The following ANKRD11 variants were observed in gnomAD, a reference collection of about 807,000 sequenced individuals.
ANKRD11 encodes the protein ankyrin repeat domain-containing protein 11.
In ANKRD11, 17 loss-of-function variants were observed where a neutral mutation model predicts 195.7. The observed-to-expected ratio is 0.09, with a 90% CI of 0.06 to 0.13. ANKRD11 has a LOEUF of 0.13. Among genes scored for constraint, ANKRD11 ranks in the 10% least tolerant of loss-of-function variants. ANKRD11 has a pLI of 1.00. For missense variants in ANKRD11, 3,735 were observed against 3,566.1 expected, an observed-to-expected ratio of 1.05 and a Z score of -1.21; for synonymous variants, 1,953 against 1,528.1, an observed-to-expected ratio of 1.28 and a Z score of -6.49.
intron 1 of ANKRD11, among the ~76,000 whole-genome samples, chr16:89,432,967 TCTCTC>T (rs2043053532): frequency 3.4e-5 from 5 of 148,520 alleles, no homozygotes; most frequent in African/African-American, 1.3e-4. Flanking sequence ...TCTCTCTCTC[TCTCTC>T]TCTCTCTCTC....
At chr16:89,423,810 G>C (rs1461804015) in intron 1 of ANKRD11, among the ~76,000 whole-genome samples, 1 of 152,196 alleles carries the variant, frequency 6.6e-6, no homozygotes, top group Non-Finnish European at 1.5e-5. Context: ...ATGGCAGCCA[G>C]CCTGCGGATG....
intron 2 of ANKRD11, among the ~76,000 whole-genome samples, chr16:89,356,572 C>T (rs2152045279): frequency 6.6e-6 from 1 of 150,606 alleles, no homozygotes; most frequent in Middle Eastern, 3.4e-3. Flanking sequence ...GAGATCGAGA[C>T]CATCCTGGCT....
Position 89,286,157 on chromosome 16 carries a change from C to T in ANKRD11, c.774G>A (p.Gly258=). The stretch of plus-strand genomic sequence containing the variant: ...CTTTCCTGTTGCTCTGCTGCGGGTT[C>T]CCTCCGTACCGCAGCAGCAGCTTCA... The part of the protein sequence containing the change: ...KVVKLLLRYG[G]NPQQSNRKGE... The change falls in exon 8 of 13, where the codon GGG becomes GGA. Residue 258 remains glycine (G), a synonymous_variant. Transcript: ENST00000301030. 1 of 1,614,012 alleles carries T rather than the reference C, an allele frequency of 6.2e-7. No individual in the cohort carries two copies. Among genetic ancestry groups the T allele is most frequent in the South Asian group, 1.1e-5 (1 of 91,088 alleles).
intron 2 of ANKRD11, among the ~76,000 whole-genome samples, chr16:89,374,757 TC>T (rs2152089344): frequency 6.6e-6 from 1 of 152,242 alleles, no homozygotes; most frequent in Non-Finnish European, 1.5e-5. Context: ...GCTGAAGAAC[TC>T]CATGATGAAC....
intron 2 of ANKRD11, among the ~76,000 whole-genome samples, chr16:89,343,981 G>A (rs1376644276): frequency 6.6e-6 from 1 of 152,188 alleles, no homozygotes; most frequent in Non-Finnish European, 1.5e-5. Context: ...CTGACCGACT[G>A]AACCCAGGGG....
chr16:89,328,525 T>C (rs935208727), intron 2 of ANKRD11, among the ~76,000 whole-genome samples: 6 of 152,156 alleles, frequency 3.9e-5, no homozygotes, highest in Non-Finnish European at 8.8e-5. Context: ...TGGCTATGGA[T>C]ACACCCAAGC....
chr16:89,438,323 CA>C (rs1005739020), intron 1 of ANKRD11, among the ~76,000 whole-genome samples: 6 of 109,898 alleles, frequency 5.5e-5, no homozygotes, highest in African/African-American at 2.1e-4. Context: ...GGATAGGGAA[CA>C]TTTTTTTTTT....
intron 7 of ANKRD11, 122 bp from the exon 8 acceptor site, chr16:89,286,308 G>C: frequency 7.2e-7 from 1 of 1,396,298 alleles, no homozygotes; most frequent in Non-Finnish European, 1.0e-6. Context: ...GCCCCTCACG[G>C]TCTGAGGGTG....
At chr16:89,435,232 A>T (rs2043162601) in intron 1 of ANKRD11, among the ~76,000 whole-genome samples, 1 of 152,158 alleles carries the variant, frequency 6.6e-6, no homozygotes, top group South Asian at 2.1e-4. Flanking sequence ...TAAACTAACC[A>T]ATCAGCATTC....
At chr16:89,360,882 C>G (rs781326725) in intron 2 of ANKRD11, 1 of 152,266 alleles carries the variant, frequency 6.6e-6, no homozygotes, top group Non-Finnish European at 1.5e-5. Context: ...TGGTTAAGAC[C>G]TGCAAACCTC....
At chr16:89,398,313 CACT>C (rs1240005467) in intron 2 of ANKRD11, among the ~76,000 whole-genome samples, 10 of 141,150 alleles carry the variant, frequency 7.1e-5, no homozygotes, top group African/African-American at 2.8e-4. Flanking sequence ...ACATGAGGGA[CACT>C]GTGAAACAGC....
chr16:89,386,459 T>G (rs1287636789), intron 2 of ANKRD11, among the ~76,000 whole-genome samples: 1 of 152,092 alleles, frequency 6.6e-6, no homozygotes, highest in Non-Finnish European at 1.5e-5. Flanking sequence ...GAGGCCCTCT[T>G]TTCTCACCAG....
At chr16:89,286,608 A>G (rs2034666004) in intron 7 of ANKRD11, 1 of 1,153,988 alleles carries the variant, frequency 8.7e-7, no homozygotes. Flanking sequence ...GGTTAGGGAG[A>G]AGAGTGTTAT....
At chr16:89,336,685 G>A (rs2038371975) in intron 2 of ANKRD11, among the ~76,000 whole-genome samples, 1 of 152,202 alleles carries the variant, frequency 6.6e-6, no homozygotes, top group Non-Finnish European at 1.5e-5. Flanking sequence ...CAGGCACTAG[G>A]AGACCCGGCC....
chr16:89,295,743 T>C (rs1200173519), intron 4 of ANKRD11, among the ~76,000 whole-genome samples: 1 of 148,506 alleles, frequency 6.7e-6, no homozygotes, highest in Admixed American at 6.7e-5. Flanking sequence ...GGGGGGGATG[T>C]GACGCGCCTG....
intron 11 of ANKRD11, among the ~76,000 whole-genome samples, chr16:89,273,640 T>C (rs1047345824): frequency 2.6e-5 from 4 of 151,262 alleles, no homozygotes; most frequent in African/African-American, 9.7e-5. Context: ...GAGGTTGCAG[T>C]GAGCCAAGAT....
At chr16:89,305,665 TACCTCCCACTCCGCAGACACGC>T (rs2036154394) in intron 3 of ANKRD11, among the ~76,000 whole-genome samples, 1 of 71,490 alleles carries the variant, frequency 1.4e-5, no homozygotes, top group Admixed American at 1.4e-4. Flanking sequence ...AGACACGCGC[TACCTCCCACTCCGCAGACACGC>T]GCCACCTCCC....
intron 2 of ANKRD11, among the ~76,000 whole-genome samples, chr16:89,317,327 G>GAAAGGGAC (rs1376628404): frequency 6.6e-6 from 1 of 152,238 alleles, no homozygotes; most frequent in African/African-American, 2.4e-5. Flanking sequence ...TGTAGTGGCA[G>GAAAGGGAC]AAAGGGACGC....
intron 1 of ANKRD11, among the ~76,000 whole-genome samples, chr16:89,457,073 C>T (rs113847672): frequency 0.13 from 19,382 of 148,878 alleles, 1,628 homozygotes; most frequent in Middle Eastern, 0.19. Flanking sequence ...CATTCTCCTG[C>T]CTCAGCCTCC....
Sources: gnomAD v4.1 joint callset for allele counts (sites outside exome capture counted in the v4.1 genomes callset) on GRCh38, gnomAD v4.1.1 for gene constraint, MANE v1.5 for transcripts, NCBI Gene and HGNC (gene_info 2026-07-23, HGNC 2026-07-21) for gene names.